The following SPATA17 variants were observed in gnomAD, a reference collection of about 807,000 sequenced individuals.
The protein encoded by SPATA17 is spermatogenesis-associated protein 17.
SPATA17 carries 53 observed loss-of-function variants against 62.2 expected under a neutral mutation model. The observed-to-expected ratio is 0.85, with a 90% CI of 0.68 to 1.07. The LOEUF (loss-of-function observed/expected upper bound fraction) is 1.07. Ranked by LOEUF, SPATA17 falls within the 50% of genes least tolerant of loss-of-function variation. The pLI, the probability that SPATA17 is intolerant of heterozygous loss-of-function variation, is 0.00. For missense variants in SPATA17, 466 were observed against 425.5 expected (o/e 1.10, Z -0.84); for synonymous variants, 146 against 146.8 (o/e 0.99, Z 0.04).
At chr1:217,809,343 A>G (rs1674523496) in intron 9 of SPATA17, among the ~76,000 whole-genome samples, 1 of 152,154 alleles carries the variant, frequency 6.6e-6, no homozygotes, top group African/African-American at 2.4e-5. Flanking sequence ...TGTTGATGAT[A>G]ATATCTGTCT....
At chr1:217,782,029 A>T in intron 7 of SPATA17, 145 bp from the exon 8 acceptor site, 1 of 702,696 alleles carries the variant, frequency 1.4e-6, no homozygotes, top group Non-Finnish European at 2.1e-6. Flanking sequence ...TGTCATGCAT[A>T]TTCTAACTCA....
At chr1:217,793,934 T>C (rs866945671) in intron 8 of SPATA17, among the ~76,000 whole-genome samples, 3 of 152,052 alleles carry the variant, frequency 2.0e-5, no homozygotes, top group South Asian at 4.2e-4. Context: ...GCTATCACGG[T>C]GAAACCCCGT....
chr1:217,689,328 T>G (rs1158384182), intron 5 of SPATA17, among the ~76,000 whole-genome samples: 2 of 146,282 alleles, frequency 1.4e-5, no homozygotes, highest in African/African-American at 5.1e-5. Flanking sequence ...CTGGTTCAAG[T>G]GATTCTCCTG....
chr1:217,757,648 G>A (rs1673081284), intron 6 of SPATA17, among the ~76,000 whole-genome samples: 2 of 152,170 alleles, frequency 1.3e-5, no homozygotes, highest in Admixed American at 6.5e-5. Flanking sequence ...TGGCAAGGAA[G>A]CAAGGTTAGA....
intron 3 of SPATA17, among the ~76,000 whole-genome samples, chr1:217,664,997 G>T (rs969467628): frequency 6.6e-6 from 1 of 152,060 alleles, no homozygotes; most frequent in Non-Finnish European, 1.5e-5. Flanking sequence ...AGAAAAAAAC[G>T]TGCAGTAATT....
At chr1:217,673,968 C>A (rs1431237776) in intron 4 of SPATA17, among the ~76,000 whole-genome samples, 1 of 152,082 alleles carries the variant, frequency 6.6e-6, no homozygotes, top group African/African-American at 2.4e-5. Flanking sequence ...TTGGCTGACC[C>A]CATCCAGGAA....
At chr1:217,813,861 G>T (rs770679663) in intron 9 of SPATA17, among the ~76,000 whole-genome samples, 120 of 151,936 alleles carry the variant, frequency 7.9e-4, no homozygotes, top group Non-Finnish European at 1.2e-3. Context: ...ATGCATTTCA[G>T]AAAATTGGGC....
At chr1:217,777,443 C>G (rs1673620988) in intron 7 of SPATA17, among the ~76,000 whole-genome samples, 1 of 151,908 alleles carries the variant, frequency 6.6e-6, no homozygotes, top group South Asian at 2.1e-4. Context: ...GCTGTGTTGC[C>G]CATGCTGGAG....
intron 4 of SPATA17, among the ~76,000 whole-genome samples, chr1:217,676,866 AG>A (rs1370341114): frequency 6.6e-6 from 1 of 152,166 alleles, no homozygotes; most frequent in East Asian, 1.9e-4. Context: ...AATAATCAAA[AG>A]CTTACAGAAT....
In SPATA17 at chr1:217,742,034, A is replaced by G. The variant is rs757740507; in HGVS notation, c.455A>G (p.Glu152Gly). ...AGAGAAGAGAAGAAGGCTAACCTCG[A>G]AAGGGAAGAGAAGAAAAGAGATTAC... ...KEREEKKANL[E>G]REEKKRDYQA... Residue 152 changes from glutamate to glycine, a missense_variant, in exon 6 of 11, where the codon GAA becomes GGA. By Grantham distance (98) the Glu-to-Gly change is moderately conservative. Coordinates refer to ENST00000366933, the MANE Select transcript of SPATA17 (RefSeq NM_138796.4). 1.9e-6 allele frequency: 3 copies of G among 1,614,164 alleles called. No homozygotes were observed. The South Asian group carries it at 3.3e-5, about 18-fold the overall frequency.
chr1:217,653,516 T>C (rs777412263), intron 3 of SPATA17, among the ~76,000 whole-genome samples: 125 of 152,258 alleles, frequency 8.2e-4, no homozygotes, highest in Non-Finnish European at 1.5e-3. Flanking sequence ...AAAATTAATA[T>C]AGTTAAATAT....
chr1:217,828,830 G>T lies in SPATA17; in HGVS notation c.1005+26980G>T, dbSNP rs1233500776. 2.0e-5 allele frequency among the ~76,000 whole-genome samples: 3 copies of T among 152,034 alleles called. No homozygotes were observed. The East Asian group carries it at 5.8e-4, about 29-fold the overall frequency. ...AAAGAAGATATAAAAATGTCAACAGGTACATTAAAAGATGCTCAGTATTAC... is the reference window on the plus strand; with the variant it reads ...AAAGAAGATATAAAAATGTCAACAGTTACATTAAAAGATGCTCAGTATTAC... On this transcript the variant is annotated intron_variant, in intron 9 of 10. Transcript: ENST00000366933.
intron 5 of SPATA17, among the ~76,000 whole-genome samples, chr1:217,740,015 T>C (rs1205787893): frequency 1.3e-5 from 2 of 151,958 alleles, no homozygotes; most frequent in Non-Finnish European, 1.5e-5. Context: ...TGCCACTGTA[T>C]ACATACTGTT....
intron 8 of SPATA17, among the ~76,000 whole-genome samples, chr1:217,786,011 CAATT>C (rs1377070106): frequency 6.6e-6 from 1 of 152,054 alleles, no homozygotes; most frequent in Non-Finnish European, 1.5e-5. Context: ...GCCAAATAAG[CAATT>C]AATAAATAAT....
intron 9 of SPATA17, among the ~76,000 whole-genome samples, chr1:217,839,565 A>G (rs1675342090): frequency 6.6e-6 from 1 of 151,896 alleles, no homozygotes; most frequent in Admixed American, 6.6e-5. Context: ...GGACTTGCAA[A>G]CTCTAGTTTA....
At chr1:217,719,500 A>T (rs1437092776) in intron 5 of SPATA17, among the ~76,000 whole-genome samples, 1 of 152,192 alleles carries the variant, frequency 6.6e-6, no homozygotes, top group African/African-American at 2.4e-5. Flanking sequence ...CAGATGCAAC[A>T]ATGGTACCAT....
intron 5 of SPATA17, among the ~76,000 whole-genome samples, chr1:217,696,288 C>G (rs766219565): frequency 3.5e-4 from 53 of 152,274 alleles, no homozygotes; most frequent in Non-Finnish European, 6.5e-4. Context: ...TCTTTGACTC[C>G]GAAAGGGAAC....
At chr1:217,727,619 T>G (rs1045958609) in intron 5 of SPATA17, among the ~76,000 whole-genome samples, 2 of 152,164 alleles carry the variant, frequency 1.3e-5, no homozygotes, top group Non-Finnish European at 2.9e-5. Flanking sequence ...AGAGTCTGAT[T>G]CTCTTAAAAT....
chr1:217,655,577 A>G (rs1472658225), intron 3 of SPATA17, among the ~76,000 whole-genome samples: 5 of 152,218 alleles, frequency 3.3e-5, no homozygotes, highest in African/African-American at 1.2e-4. Context: ...TTATTACTAT[A>G]GATCTTCAAC....
Sources: allele counts gnomAD v4.1 joint callset (sites outside exome capture counted in the v4.1 genomes callset), GRCh38; gene constraint gnomAD v4.1.1; transcripts MANE v1.5; gene names NCBI Gene and HGNC (gene_info 2026-07-23, HGNC 2026-07-21).